The following THSD4 variants were observed in gnomAD, a reference collection of about 807,000 sequenced individuals.
The protein encoded by THSD4 is thrombospondin type-1 domain-containing protein 4.
THSD4 carries 69 observed loss-of-function variants against 119.0 expected under a neutral mutation model. The observed-to-expected ratio is 0.58, with a 90% CI of 0.48 to 0.71. The LOEUF (loss-of-function observed/expected upper bound fraction) is 0.71. THSD4 is among the 30% of genes least tolerant of loss of function. The pLI is 0.00. For missense variants in THSD4, 1,393 were observed against 1,391.1 expected (o/e 1.00, Z -0.02); for synonymous variants, 524 against 540.4 (o/e 0.97, Z 0.42).
chr15:71,567,604 A>C (rs11072300), intron 7 of THSD4, among the ~76,000 whole-genome samples: 58,699 of 117,302 alleles, frequency 0.5, 12,196 homozygotes, highest in Non-Finnish European at 0.56. Flanking sequence ...ACACCCCCCC[A>C]CACACACACA....
intron 6 of THSD4, among the ~76,000 whole-genome samples, chr15:71,396,142 A>G (rs1429846395): frequency 6.6e-6 from 1 of 152,186 alleles, no homozygotes; most frequent in Non-Finnish European, 1.5e-5. Context: ...ATCTACATAT[A>G]CATGTATACA....
intron 6 of THSD4, among the ~76,000 whole-genome samples, chr15:71,409,157 C>T (rs5006461): frequency 0.29 from 32,349 of 111,960 alleles, 4,005 homozygotes; most frequent in East Asian, 0.58. Context: ...TTTTTTTTTC[C>T]CCCCCCCTCA....
intron 3 of THSD4, among the ~76,000 whole-genome samples, chr15:71,200,574 A>G (rs1374101098): frequency 6.6e-6 from 1 of 152,214 alleles, no homozygotes; most frequent in Non-Finnish European, 1.5e-5. Context: ...CTAAATATCA[A>G]GTGCTCAAAG....
At chr15:71,724,285 A>ATG (rs1448681867) in intron 8 of THSD4, among the ~76,000 whole-genome samples, 1 of 20,340 alleles carries the variant, frequency 4.9e-5, no homozygotes, top group Non-Finnish European at 9.2e-5. Flanking sequence ...ATATATATAT[A>ATG]TATTTTTTTT....
chr15:71,198,684 T>C (rs1051000268), intron 3 of THSD4, among the ~76,000 whole-genome samples: 1 of 152,212 alleles, frequency 6.6e-6, no homozygotes, highest in Admixed American at 6.5e-5. Flanking sequence ...TGCCTCCTCC[T>C]CCTGGCCAGG....
chr15:71,532,309 T>A (rs1275308016), intron 7 of THSD4, among the ~76,000 whole-genome samples: 8 of 147,456 alleles, frequency 5.4e-5, no homozygotes, highest in Admixed American at 1.4e-4. Context: ...TGTGTGTGTG[T>A]GTGTGTGTGT....
chr15:71,260,701 C>T (rs1197948462), intron 6 of THSD4, among the ~76,000 whole-genome samples: 3 of 152,096 alleles, frequency 2.0e-5, no homozygotes, highest in South Asian at 2.1e-4. Context: ...ACTTCTGTCT[C>T]GGGCAGGCGA....
At chr15:71,668,140 A>G (rs2051452584) in intron 8 of THSD4, among the ~76,000 whole-genome samples, 2 of 152,164 alleles carry the variant, frequency 1.3e-5, no homozygotes, top group Admixed American at 6.5e-5. Context: ...GTTTTCTAAC[A>G]TTACAAATAA....
At chr15:71,404,934 G>T (rs1198571362) in intron 6 of THSD4, among the ~76,000 whole-genome samples, 1 of 151,418 alleles carries the variant, frequency 6.6e-6, no homozygotes, top group Admixed American at 6.6e-5. Context: ...TGTCACCCAG[G>T]CTGGAGTGCA....
At chr15:71,214,854 C>T (rs1181758870) in intron 3 of THSD4, among the ~76,000 whole-genome samples, 181 bp from the exon 4 acceptor site, 1 of 152,204 alleles carries the variant, frequency 6.6e-6, no homozygotes, top group East Asian at 1.9e-4. Flanking sequence ...GGCATTTTTG[C>T]CTTCGCGGGG....
intron 7 of THSD4, among the ~76,000 whole-genome samples, chr15:71,607,739 C>T (rs1339144941): frequency 1.3e-5 from 2 of 152,052 alleles, no homozygotes; most frequent in Non-Finnish European, 2.9e-5. Context: ...TGTGGAAGGG[C>T]ATGAGAGGTC....
chr15:71,770,931 G>T, intron 16 of THSD4, 133 bp from the exon 17 acceptor site: 1 of 1,321,708 alleles, frequency 7.6e-7, no homozygotes, highest in African/African-American at 1.5e-5. Flanking sequence ...CTGGTTGATA[G>T]GTACATGGGA....
intron 4 of THSD4, among the ~76,000 whole-genome samples, chr15:71,234,717 G>A (rs1596282860): frequency 6.6e-6 from 1 of 152,168 alleles, no homozygotes. Flanking sequence ...GGCTCTTGAC[G>A]GATAAAGCTC....
chr15:71,602,467 C>A (rs1301199182), intron 7 of THSD4, among the ~76,000 whole-genome samples: 1 of 143,240 alleles, frequency 7.0e-6, no homozygotes, highest in African/African-American at 2.6e-5. Context: ...GCAGGAGAAT[C>A]TCTCAAACCC....
At chr15:71,450,908 C>T (rs563518568) in intron 7 of THSD4, among the ~76,000 whole-genome samples, 13 of 152,230 alleles carry the variant, frequency 8.5e-5, no homozygotes, top group Admixed American at 3.9e-4. Flanking sequence ...CCGGGCGTGG[C>T]GGCATACTCC....
intron 3 of THSD4, among the ~76,000 whole-genome samples, chr15:71,199,783 G>GGGTGTGTGT (rs1555454628): frequency 2.0e-5 from 2 of 97,934 alleles, no homozygotes; most frequent in East Asian, 6.0e-4. Flanking sequence ...GTGGTGTGTG[G>GGGTGTGTGT]GTGTGTGCTG....
chr15:71,641,050 ACT>A (rs1271527441), intron 7 of THSD4, among the ~76,000 whole-genome samples: 1 of 151,248 alleles, frequency 6.6e-6, no homozygotes, highest in Non-Finnish European at 1.5e-5. Flanking sequence ...TCCCTGAATG[ACT>A]CCGGTGGTGA....
At chr15:71,307,640 G>T (rs555682012) in intron 6 of THSD4, among the ~76,000 whole-genome samples, 166 of 152,120 alleles carry the variant, frequency 1.1e-3, no homozygotes, top group African/African-American at 3.7e-3. Flanking sequence ...ATGGTGGGGG[G>T]CACCTGTAAT....
intron 3 of THSD4, among the ~76,000 whole-genome samples, chr15:71,181,759 G>A (rs2043531271): frequency 1.3e-5 from 2 of 152,188 alleles, no homozygotes; most frequent in South Asian, 2.1e-4. Context: ...CCATCCTAGT[G>A]TTAACCTGGT....
Sources: allele counts gnomAD v4.1 joint callset (sites outside exome capture counted in the v4.1 genomes callset), GRCh38; gene constraint gnomAD v4.1.1; transcripts MANE v1.5; gene names NCBI Gene and HGNC (gene_info 2026-07-23, HGNC 2026-07-21).